RANBP2: variants seen among roughly 807,000 people sequenced by gnomAD.
RANBP2 encodes the protein E3 SUMO-protein ligase RanBP2.
In RANBP2, 57 loss-of-function variants were observed where a neutral mutation model predicts 303.6. That is an observed-to-expected ratio of 0.19 (90% CI 0.15 to 0.23). RANBP2 has a LOEUF of 0.23. Among genes scored for constraint, RANBP2 ranks in the 10% least tolerant of loss-of-function variants. The pLI is 1.00. For missense variants in RANBP2, 3,138 were observed against 3,780.8 expected, an observed-to-expected ratio of 0.83 and a Z score of 4.46; for synonymous variants, 1,167 against 1,301.5, an observed-to-expected ratio of 0.90 and a Z score of 2.23.
the RANBP2 span, among the ~76,000 whole-genome samples, chr2:108,854,387 G>GTCTTTT: frequency 3.5e-4 from 52 of 150,236 alleles, no homozygotes; most frequent in Non-Finnish European, 7.0e-4. Flanking sequence ...TATTTGGAAG[G>GTCTTTT]TCTTTTTTGT....
At chr2:109,698,014 C>A in the RANBP2 span, among the ~76,000 whole-genome samples, 1 of 151,996 alleles carries the variant, frequency 6.6e-6, no homozygotes, top group African/African-American at 2.4e-5. Flanking sequence ...CATGTGCCAC[C>A]ATGCCCAGCT....
the RANBP2 span, among the ~76,000 whole-genome samples, chr2:108,899,988 AAATAAT>A: frequency 3.0e-3 from 454 of 152,190 alleles, 2 homozygotes; most frequent in African/African-American, 0.01. Context: ...TCCATGTCAA[AAATAAT>A]AATAATAATA....
chr2:109,488,315 G>T, the RANBP2 span, among the ~76,000 whole-genome samples: 11 of 152,172 alleles, frequency 7.2e-5, no homozygotes, highest in Admixed American at 5.2e-4. Context: ...CCCCTGAGTT[G>T]TGACAGCCCA....
At chr2:108,759,650 A>G (rs1676582309) in intron 18 of RANBP2, among the ~76,000 whole-genome samples, 1 of 152,164 alleles carries the variant, frequency 6.6e-6, no homozygotes, top group African/African-American at 2.4e-5. Context: ...TGTGAAATCA[A>G]GCTTATTAAA....
chr2:108,724,448 T>C (rs577002713), intron 1 of RANBP2, among the ~76,000 whole-genome samples: 5 of 152,340 alleles, frequency 3.3e-5, no homozygotes, highest in East Asian at 1.9e-4. Context: ...TATCGAATTC[T>C]GAGTTTGAAA....
At chr2:109,466,549 A>C in the RANBP2 span, among the ~76,000 whole-genome samples, 2 of 152,288 alleles carry the variant, frequency 1.3e-5, no homozygotes, top group East Asian at 3.9e-4. Flanking sequence ...TTCTCTTGAC[A>C]GTATCTGTTT....
At chr2:109,036,507 A>G in the RANBP2 span, among the ~76,000 whole-genome samples, 1 of 152,234 alleles carries the variant, frequency 6.6e-6, no homozygotes, top group South Asian at 2.1e-4. Context: ...AGTGGGATTT[A>G]TTCCATATAT....
the RANBP2 span, among the ~76,000 whole-genome samples, chr2:109,302,797 G>A: frequency 6.6e-6 from 1 of 152,178 alleles, no homozygotes; most frequent in African/African-American, 2.4e-5. Flanking sequence ...GTTAAATAAG[G>A]TTATGCTGGA....
the RANBP2 span, among the ~76,000 whole-genome samples, chr2:109,361,575 G>A: frequency 2.6e-5 from 4 of 152,132 alleles, no homozygotes; most frequent in Non-Finnish European, 5.9e-5. Context: ...CCTGGTCCAA[G>A]CAATTCTCCT....
At chr2:109,629,347 ATATATATATTTTTT>A in the RANBP2 span, among the ~76,000 whole-genome samples, 20 of 6,296 alleles carry the variant, frequency 3.2e-3, no homozygotes, top group Middle Eastern at 0.056. Context: ...ATATATATAT[ATATATATATTTTTT>A]TTTTTTTTTT....
At chr2:109,610,436 C>T in the RANBP2 span, among the ~76,000 whole-genome samples, 5 of 151,386 alleles carry the variant, frequency 3.3e-5, no homozygotes, top group South Asian at 2.2e-4. Context: ...AGGTCTGGGC[C>T]GGGCATGGTG....
chr2:108,962,701 A>AGC, the RANBP2 span, among the ~76,000 whole-genome samples: 1 of 86,710 alleles, frequency 1.2e-5, no homozygotes. Flanking sequence ...AAAAAAAAAA[A>AGC]GAGAGAAAGG....
chr2:109,629,306 T>G, the RANBP2 span, among the ~76,000 whole-genome samples: 40 of 4,292 alleles, frequency 9.3e-3, no homozygotes, highest in South Asian at 0.033. Context: ...CCTAAAGATA[T>G]ATATATATAT....
the RANBP2 span, chr2:109,371,802 C>G: frequency 1.2e-6 from 1 of 821,396 alleles, no homozygotes; most frequent in East Asian, 2.7e-5. Context: ...CCACAATAGC[C>G]TCTGGCCAGA....
the RANBP2 span, among the ~76,000 whole-genome samples, chr2:108,818,289 A>G: frequency 1.3e-5 from 2 of 152,216 alleles, no homozygotes; most frequent in Non-Finnish European, 2.9e-5. Flanking sequence ...CCTGGGCAAC[A>G]GAGTGAGACC....
the RANBP2 span, among the ~76,000 whole-genome samples, chr2:109,064,455 C>CAAAAAAAAA: frequency 1.1e-4 from 7 of 65,912 alleles, no homozygotes; most frequent in African/African-American, 1.2e-4. Context: ...GACTCTGTCT[C>CAAAAAAAAA]AAAAAAAAAA....
chr2:109,439,582 G>T, the RANBP2 span, among the ~76,000 whole-genome samples: 1 of 152,042 alleles, frequency 6.6e-6, no homozygotes, highest in Non-Finnish European at 1.5e-5. Flanking sequence ...AATTGCATTG[G>T]CCATAGCATC....
the RANBP2 span, among the ~76,000 whole-genome samples, chr2:109,059,399 C>A: frequency 6.6e-5 from 10 of 152,082 alleles, no homozygotes; most frequent in Non-Finnish European, 1.2e-4. Flanking sequence ...CACGGTGAAA[C>A]CCCGTCTCTA....
chr2:109,113,553 C>G, the RANBP2 span, among the ~76,000 whole-genome samples: 1 of 152,182 alleles, frequency 6.6e-6, no homozygotes, highest in Admixed American at 6.5e-5. Context: ...ATGGGGTTTT[C>G]TAGATATACA....
Sources: allele counts gnomAD v4.1 joint callset (sites outside exome capture counted in the v4.1 genomes callset), GRCh38; gene constraint gnomAD v4.1.1; transcripts MANE v1.5; gene names NCBI Gene and HGNC (gene_info 2026-07-23, HGNC 2026-07-21).